FAM186B: variants seen among roughly 807,000 people sequenced by gnomAD.
The protein encoded by FAM186B is family with sequence similarity 186 member B, also known as protein FAM186B.
Under a neutral mutation model 83.4 loss-of-function variants are expected in FAM186B, and 68 were observed. The ratio of observed to expected loss-of-function variants is 0.81; its 90% CI spans 0.67 to 1.00. The LOEUF (loss-of-function observed/expected upper bound fraction) is 1.00. Among genes scored for constraint, FAM186B ranks in the 50% least tolerant of loss-of-function variants. FAM186B has a pLI of 0.00. For synonymous variants in FAM186B, 389 were observed against 422.0 expected, an observed-to-expected ratio of 0.92 and a Z score of 0.96; for missense variants, 983 against 1,099.2, an observed-to-expected ratio of 0.89 and a Z score of 1.49.
At position 49,587,826 on chromosome 12, in the gene FAM186B, T is replaced by C. The variant is rs1258292438; in HGVS notation, c.2535-74A>G. 5.3e-6 allele frequency: 8 copies of C among 1,517,092 alleles called. No homozygotes were observed. The East Asian group carries it at 1.8e-4, about 34-fold the overall frequency. The allele number at this position is 1,517,092 out of a possible 1,614,324, so 94.0% of individuals were successfully genotyped here. The stretch of plus-strand genomic sequence containing the variant: ...AGATGCAAGAGACTCTCCAGAGCCA[T>C]CAGGCCCAAGTGAGCTTTGTCTCCT... On this transcript the variant is annotated intron_variant, in intron 6 of 6. Coordinates refer to ENST00000257894, the MANE Select transcript of FAM186B (RefSeq NM_032130.3).
intron 5 of FAM186B, among the ~76,000 whole-genome samples, chr12:49,589,784 C>G (rs1489212705): frequency 6.6e-6 from 1 of 151,846 alleles, no homozygotes; most frequent in African/African-American, 2.4e-5. Flanking sequence ...AGATTGAGAC[C>G]ATCCTGGCCA....
chr12:49,596,896 A>G (rs977381494), intron 5 of FAM186B, among the ~76,000 whole-genome samples: 1 of 152,266 alleles, frequency 6.6e-6, no homozygotes, highest in Non-Finnish European at 1.5e-5. Context: ...CAGTGGACCA[A>G]TGAAAGAAAC....
chr12:49,615,564 G>A, the FAM186B span, among the ~76,000 whole-genome samples: 1 of 152,238 alleles, frequency 6.6e-6, no homozygotes, highest in East Asian at 1.9e-4. Flanking sequence ...GCTGAGGTGG[G>A]TGGATCATGA....
At position 49,600,854 on chromosome 12, in the gene FAM186B, C is replaced by A. The variant is rs1939873769; in HGVS notation, c.786G>T (p.Arg262Ser). Residue 262 changes from arginine to serine, a missense_variant, in exon 4 of 7, where the codon AGG becomes AGT. Physicochemically the swap from Arg to Ser is moderately radical, Grantham distance 110. Coordinates refer to ENST00000257894, the MANE Select transcript of FAM186B (RefSeq NM_032130.3). This position sits in a 1 kb window ranked among gnomAD's most constrained non-coding sequence, Gnocchi z 4.3. ...KENRSLETKY[R>S]HLQMQATKEL... Reference sequence around the variant, plus strand: ...CTTTGGTCGCCTGCATTTGCAGGTGCCTGTATTTGGTCTCCAGGCTCCTGT... The same window carrying A: ...CTTTGGTCGCCTGCATTTGCAGGTGACTGTATTTGGTCTCCAGGCTCCTGT... 6 of 1,613,034 alleles carry A rather than the reference C, an allele frequency of 3.7e-6. No individual in the cohort carries two copies. Among genetic ancestry groups the A allele is most frequent in the Non-Finnish European group, 5.1e-6 (6 of 1,179,712 alleles).
chr12:49,610,589 G>C (rs1264770145), upstream of FAM186B, among the ~76,000 whole-genome samples: 1 of 152,098 alleles, frequency 6.6e-6, no homozygotes, highest in African/African-American at 2.4e-5. Flanking sequence ...AGGAGACTGA[G>C]ACCATCCTGG....
downstream of FAM186B, among the ~76,000 whole-genome samples, chr12:49,586,067 A>G (rs1939436696): frequency 6.6e-6 from 1 of 152,256 alleles, no homozygotes; most frequent in Admixed American, 6.5e-5. Flanking sequence ...AAGACAGCAC[A>G]GCAGGCTCTG....
chr12:49,609,947 A>G (rs1592559991), upstream of FAM186B, among the ~76,000 whole-genome samples: 1 of 152,216 alleles, frequency 6.6e-6, no homozygotes, highest in Non-Finnish European at 1.5e-5. Context: ...ACAAGGATCA[A>G]GAATATACCC....
intron 3 of FAM186B, among the ~76,000 whole-genome samples, 199 bp from the exon 4 acceptor site, chr12:49,601,333 C>T (rs1939890270): frequency 6.6e-6 from 1 of 152,292 alleles, no homozygotes; most frequent in South Asian, 2.1e-4. Context: ...CAGAGCCCAG[C>T]CTCAGGGTCT....
intron 5 of FAM186B, chr12:49,594,271 A>G: frequency 4.5e-6 from 1 of 220,960 alleles, no homozygotes; most frequent in East Asian, 1.2e-4. Flanking sequence ...AAACCTGGGA[A>G]TTCAGAGGAA....
intron 5 of FAM186B, among the ~76,000 whole-genome samples, chr12:49,592,912 A>C (rs1392841324): frequency 6.6e-6 from 1 of 152,248 alleles, no homozygotes; most frequent in Non-Finnish European, 1.5e-5. Flanking sequence ...AGAGGGAAAA[A>C]AACAAAGAAC....
At chr12:49,602,137 T>G (rs910867996) in intron 3 of FAM186B, among the ~76,000 whole-genome samples, 2 of 152,226 alleles carry the variant, frequency 1.3e-5, no homozygotes, top group Non-Finnish European at 2.9e-5. Flanking sequence ...ACTTAGATTA[T>G]GCATGTTTAG....
At position 49,587,735 on chromosome 12, in the gene FAM186B, A is replaced by G. The variant is rs536693056; in HGVS notation, c.2552T>C (p.Met851Thr). The G allele has an allele frequency of 1.3e-5, 21 of 1,613,656 alleles. No individual in the cohort carries two copies. In the East Asian group the frequency reaches 3.6e-4, roughly 27 times the overall value. The change falls in exon 7 of 7, where the codon ATG (methionine) becomes ACG (threonine). Residue 851 changes from methionine (M) to threonine (T), a missense_variant. Coordinates refer to ENST00000257894, the MANE Select transcript of FAM186B (RefSeq NM_032130.3). ...CACCTCGGTCTTCCAGACAGCCTCC[A>G]TCTGCTTCCCCTGTTGGCTGGGAGT... ...LQMARQQGKQ[M>T]EAVWKTEVAS...
rs1939999630 is a variant in FAM186B at position 49,605,527 on chromosome 12, G to A, written c.-50C>T. ...AACATCCTGTGTTTCTGGTCCACAG[G>A]CCTGGACACACAATGTTGCCTGCTT... On this transcript the variant is annotated 5_prime_UTR_variant, in exon 1 of 7. Coordinates refer to ENST00000257894, the MANE Select transcript of FAM186B (RefSeq NM_032130.3). 1.3e-6 allele frequency: 2 copies of A among 1,576,982 alleles called. No homozygotes were observed. Among genetic ancestry groups the A allele is most frequent in the Non-Finnish European group, 1.7e-6 (2 of 1,158,434 alleles).
the FAM186B span, among the ~76,000 whole-genome samples, chr12:49,619,180 C>A: frequency 6.6e-4 from 101 of 152,316 alleles, no homozygotes; most frequent in African/African-American, 2.3e-3. Context: ...AAATAATTTA[C>A]TGCTCCCTTT....
intron 1 of FAM186B, chr12:49,605,165 C>T (rs1015928012): frequency 6.5e-6 from 9 of 1,379,652 alleles, no homozygotes; most frequent in Middle Eastern, 5.5e-4. Context: ...TCCCGGGCCC[C>T]AGCCCTGCCT....
chr12:49,619,665 C>CTA, the FAM186B span: 1 of 222,140 alleles, frequency 4.5e-6, no homozygotes, highest in Non-Finnish European at 8.6e-6. Flanking sequence ...AGTTAGACAT[C>CTA]TCTTTTTTTT....
At chr12:49,585,698 G>A (rs571708472), downstream of FAM186B, among the ~76,000 whole-genome samples, 36 of 152,226 alleles carry the variant, frequency 2.4e-4, no homozygotes, top group African/African-American at 8.4e-4. Context: ...AGATGGGGCT[G>A]TGCGCCAGAC....
chr12:49,615,784 G>A, the FAM186B span, among the ~76,000 whole-genome samples: 1 of 150,378 alleles, frequency 6.6e-6, no homozygotes, highest in Admixed American at 6.6e-5. Context: ...GCAAGATTGT[G>A]TCTCAAAAAG....
chr12:49,599,884 C>A lies in FAM186B; in HGVS notation c.1756G>T (p.Ala586Ser). Reference protein sequence around the residue: ...LVPAPSRTQSAHQSRRPHLPM... With the variant: ...LVPAPSRTQSSHQSRRPHLPM... ...AAGTGTGGCCTCCTGCTTTGGTGAGCAGATTGGGTCCGGCTTGGGGCAGGC... is the reference window on the plus strand; with the variant it reads ...AAGTGTGGCCTCCTGCTTTGGTGAGAAGATTGGGTCCGGCTTGGGGCAGGC... Residue 586 changes from alanine (A) to serine (S), a missense_variant, in exon 4 of 7, where the codon GCT becomes TCT. Ala to Ser is a moderately conservative substitution (Grantham distance 99). Transcript: ENST00000257894. The A allele has an allele frequency of 1.2e-6, 2 of 1,609,408 alleles. No individual in the cohort carries two copies. The highest frequency in any genetic ancestry group is 1.7e-6 in the Non-Finnish European group (2 of 1,177,562).
Sources: allele counts gnomAD v4.1 joint callset (sites outside exome capture counted in the v4.1 genomes callset), GRCh38; gene constraint gnomAD v4.1.1; non-coding constraint Gnocchi (gnomAD v3.1); transcripts MANE v1.5; gene names NCBI Gene and HGNC (gene_info 2026-07-23, HGNC 2026-07-21).